Variants in GIMAP4 observed in about 807,000 individuals in gnomAD.
GIMAP4 encodes GTPase IMAP family member 4.
GIMAP4 carries 12 observed loss-of-function variants against 10.8 expected under a neutral mutation model. The ratio of observed to expected loss-of-function variants is 1.11; its 90% confidence interval spans 0.71 to 1.81. The LOEUF is 1.81. GIMAP4 is among the 40% of genes most tolerant of loss of function. The pLI is 0.00. For synonymous variants in GIMAP4, 149 were observed against 147.2 expected, an observed-to-expected ratio of 1.01 and a Z score of -0.09; for missense variants, 412 against 404.6, an observed-to-expected ratio of 1.02 and a Z score of -0.16.
chr7:150,573,208 T>C lies in GIMAP4; in HGVS notation c.*148T>C. ...CATTGGCCATTGGTAGATGTTTGATTGACTTAACAAGAGAGGGACAAATTT... is the reference window on the plus strand; with the variant it reads ...CATTGGCCATTGGTAGATGTTTGATCGACTTAACAAGAGAGGGACAAATTT... On this transcript the variant is annotated 3_prime_UTR_variant, in exon 3 of 3. Transcript: ENST00000255945. The C allele has an allele frequency of 1.7e-6, 1 of 594,464 alleles. No individual in the cohort carries two copies. The highest frequency in any genetic ancestry group is 3.0e-6 in the Non-Finnish European group (1 of 337,776). 36.8% of individuals were successfully genotyped at this position (594,464 alleles called of 1,614,324 possible).
At position 150,573,891 on chromosome 7, in the gene GIMAP4, C is replaced by T. The variant is rs1196354502; in HGVS notation, c.*831C>T. 2 of 152,206 alleles carry T rather than the reference C, an allele frequency of 1.3e-5. No homozygotes were observed. Among genetic ancestry groups the T allele is most frequent in the African/African-American group, 4.8e-5 (2 of 41,444 alleles). The allele number at this position is 152,206 out of a possible 1,614,324, so 9.4% of individuals were successfully genotyped here. On this transcript the variant is annotated 3_prime_UTR_variant, in exon 3 of 3. Coordinates refer to ENST00000255945, the MANE Select transcript of GIMAP4 (RefSeq NM_018326.3). ...TGTTTGGCAGGTCATCCACACACTT[C>T]TGCCCCCACTGCATTGAATTTTTTG...
intron 2 of GIMAP4, 117 bp downstream of exon 2, chr7:150,570,076 T>C: frequency 1.4e-6 from 1 of 706,666 alleles, no homozygotes; most frequent in Non-Finnish European, 2.5e-6. Context: ...AGTCCCCATT[T>C]GAGCAGGAGA....
In GIMAP4 at chr7:150,572,506, A is replaced by G. The variant is rs1464946342; in HGVS notation, c.436A>G (p.Arg146Gly). Residue 146 changes from arginine to glycine, a missense_variant, in exon 3 of 3, where the codon AGA becomes GGA. By Grantham distance (125) the Arg-to-Gly change is moderately radical. Transcript: ENST00000255945. ...KILKMFGERARSFMILIFTRK... is the reference protein window; with the variant it reads ...KILKMFGERAGSFMILIFTRK... ...CCTGAAAATGTTTGGAGAGAGGGCT[A>G]GAAGTTTCATGATTCTCATATTCAC... 1 of 1,614,212 alleles carries G rather than the reference A, an allele frequency of 6.2e-7. No individual in the cohort carries two copies. The highest frequency in any genetic ancestry group is 1.7e-5 in the Admixed American group (1 of 60,034).
In GIMAP4 at chr7:150,572,138, G is replaced by A. The variant is rs767453915; in HGVS notation, c.68G>A (p.Arg23Lys). 2 of 1,608,878 alleles carry A rather than the reference G, an allele frequency of 1.2e-6. No homozygotes were observed. Among genetic ancestry groups the A allele is most frequent in the Non-Finnish European group, 1.7e-6 (2 of 1,175,844 alleles). Reference sequence around the variant, plus strand: ...TTTCTTGATGTCCCAGGGCCTGGAAGGCAAGAGCCCAGAAATTCCCAATTG... The same window carrying A: ...TTTCTTGATGTCCCAGGGCCTGGAAAGCAAGAGCCCAGAAATTCCCAATTG... ...STPGASYGPGRQEPRNSQLRI... is the reference protein window; with the variant it reads ...STPGASYGPGKQEPRNSQLRI... The change falls in exon 3 of 3, where the codon AGG (arginine) becomes AAG (lysine). Residue 23 changes from arginine (R) to lysine (K), a missense_variant. By Grantham distance (26) the Arg-to-Lys change is conservative. Coordinates refer to ENST00000255945, the MANE Select transcript of GIMAP4 (RefSeq NM_018326.3).
rs745843102 is a variant in GIMAP4, at chr7:150,572,612, T to G, written c.542T>G (p.Ile181Ser). The change falls in exon 3 of 3, where the codon ATT (isoleucine) becomes AGT (serine). Residue 181 changes from isoleucine (I) to serine (S), a missense_variant. Coordinates refer to ENST00000255945, the MANE Select transcript of GIMAP4 (RefSeq NM_018326.3). ...GAAGACATTCAAGACTTGATGGACA[T>G]TTTCGGTGACCGCTACTGTGCGTTA... ...APEDIQDLMD[I>S]FGDRYCALNN... 1.2e-6 allele frequency: 2 copies of G among 1,614,166 alleles called. No individual in the cohort carries two copies. Among genetic ancestry groups the G allele is most frequent in the South Asian group, 2.2e-5 (2 of 91,076 alleles).
chr7:150,572,405 C>T lies in GIMAP4; in HGVS notation c.335C>T (p.Pro112Leu), dbSNP rs1382194702. The T allele has an allele frequency of 6.2e-7, 1 of 1,614,060 alleles. No homozygotes were observed. Among genetic ancestry groups the T allele is most frequent in the African/African-American group, 1.3e-5 (1 of 74,924 alleles). ...EIIRCILLTSPGPHALLLVVP... is the reference protein window; with the variant it reads ...EIIRCILLTSLGPHALLLVVP... ...ATTCGCTGCATTCTTCTGACCTCCC[C>T]AGGGCCTCATGCTCTGCTTCTGGTG... The change falls in exon 3 of 3, where the codon CCA becomes CTA. Residue 112 changes from proline (P) to leucine (L), a missense_variant. Transcript: ENST00000255945.
At chr7:150,569,783 A>T (rs1003649916) in intron 1 of GIMAP4, 105 bp from the exon 2 acceptor site, 2 of 658,574 alleles carry the variant, frequency 3.0e-6, no homozygotes, top group Non-Finnish European at 5.6e-6. Context: ...AAATCAATGT[A>T]GCAAGCTCAT....
chr7:150,568,197 C>G (rs1585155682), intron 1 of GIMAP4, among the ~76,000 whole-genome samples: 2 of 152,314 alleles, frequency 1.3e-5, no homozygotes, highest in South Asian at 2.1e-4. Context: ...GTCACAAAAA[C>G]CCAGAATGTC....
intron 1 of GIMAP4, among the ~76,000 whole-genome samples, chr7:150,568,886 T>C (rs1224964438): frequency 6.6e-6 from 1 of 151,936 alleles, no homozygotes; most frequent in Non-Finnish European, 1.5e-5. Flanking sequence ...TAGACAGTGG[T>C]GTTGGGGAAG....
intron 1 of GIMAP4, among the ~76,000 whole-genome samples, chr7:150,569,193 G>A (rs1271421135): frequency 6.6e-6 from 1 of 152,202 alleles, no homozygotes; most frequent in Non-Finnish European, 1.5e-5. Context: ...ACATCTGATT[G>A]TAGAGTAGAA....
rs1196435547 is a variant in GIMAP4 at position 150,570,051 on chromosome 7, C to T, written c.58+92C>T. 4 of 775,782 alleles carry T rather than the reference C, an allele frequency of 5.2e-6. No individual in the cohort carries two copies. In the South Asian group the frequency reaches 6.0e-5, roughly 12 times the overall value. The allele number at this position is 775,782 out of a possible 1,614,324, so 48.1% of individuals were successfully genotyped here. A position where few individuals can be genotyped will look rare whatever the true frequency, so the allele number is the denominator to read the frequency against. Reference sequence around the variant, plus strand: ...TGGGGGGGAATAGGGGTGGGGTTCTCCTGCCTTGCCACCCAGTCCCCATTT... The same window carrying T: ...TGGGGGGGAATAGGGGTGGGGTTCTTCTGCCTTGCCACCCAGTCCCCATTT... On this transcript the variant is annotated intron_variant, in intron 2 of 2. Coordinates refer to ENST00000255945, the MANE Select transcript of GIMAP4 (RefSeq NM_018326.3).
chr7:150,567,750 C>T (rs1795680090), intron 1 of GIMAP4, among the ~76,000 whole-genome samples: 1 of 152,140 alleles, frequency 6.6e-6, no homozygotes, highest in African/African-American at 2.4e-5. Flanking sequence ...ACAGAATTAG[C>T]TCTGGGGGAG....
rs148846486 is a variant in GIMAP4, at chr7:150,571,022, A to G, written c.58+1063A>G. Among the ~76,000 whole-genome samples, 5 of 152,172 alleles carry G rather than the reference A, an allele frequency of 3.3e-5. No homozygotes were observed. In the East Asian group the frequency reaches 7.7e-4, roughly 24 times the overall value. On this transcript the variant is annotated intron_variant, in intron 2 of 2. Coordinates refer to ENST00000255945, the MANE Select transcript of GIMAP4 (RefSeq NM_018326.3). ...GGAATAGATTGTGGCTACATTTACA[A>G]TCTCCTCCATGGATTGTCACCATAT...
In GIMAP4 at chr7:150,572,227, C is replaced by A; in HGVS notation, c.157C>A (p.Arg53=). ...TGCAACAGGAAACAGCATCCTTGGC[C>A]GGAAAGTGTTTCATTCTGGCACTGC... ...KSATGNSILG[R]KVFHSGTAAK... is the part of the protein sequence containing the mutation. The change falls in exon 3 of 3, where the codon CGG becomes AGG. Residue 53 remains arginine (R), a synonymous_variant. Transcript: ENST00000255945. The A allele has an allele frequency of 1.2e-6, 2 of 1,613,772 alleles. No individual in the cohort carries two copies. Among genetic ancestry groups the A allele is most frequent in the South Asian group, 1.1e-5 (1 of 91,078 alleles).
chr7:150,572,245 G>A lies in GIMAP4; in HGVS notation c.175G>A (p.Gly59Ser). 6.2e-7 allele frequency: 1 copy of A among 1,614,050 alleles called. No individual in the cohort carries two copies. The highest frequency in any genetic ancestry group is 1.1e-5 in the South Asian group (1 of 91,082). The change falls in exon 3 of 3, where the codon GGC becomes AGC. Residue 59 changes from glycine to serine, a missense_variant. Physicochemically the swap from Gly to Ser is moderately conservative, Grantham distance 56. Transcript: ENST00000255945. ...SILGRKVFHS[G>S]TAAKSITKKC... Reference sequence around the variant, plus strand: ...CCTTGGCCGGAAAGTGTTTCATTCTGGCACTGCAGCAAAATCCATTACCAA... The same window carrying A: ...CCTTGGCCGGAAAGTGTTTCATTCTAGCACTGCAGCAAAATCCATTACCAA...
Position 150,573,680 on chromosome 7 carries a change from A to T in GIMAP4, c.*620A>T, listed in dbSNP as rs1451126278. On this transcript the variant is annotated 3_prime_UTR_variant, in exon 3 of 3. Transcript: ENST00000255945. Reference sequence around the variant, plus strand: ...AATTCAATTAAATAATGATCCCCAAATGCTGAAAAAGTGAAATACAGCAAT... The same window carrying T: ...AATTCAATTAAATAATGATCCCCAATTGCTGAAAAAGTGAAATACAGCAAT... 1 of 152,212 alleles carries T rather than the reference A, an allele frequency of 6.6e-6. No homozygotes were observed. The highest frequency in any genetic ancestry group is 1.5e-5 in the Non-Finnish European group (1 of 68,042). The allele number at this position is 152,212 out of a possible 1,614,324, so 9.4% of individuals were successfully genotyped here. A position where few individuals can be genotyped will look rare whatever the true frequency, so the allele number is the denominator to read the frequency against.
At position 150,572,371 on chromosome 7, in the gene GIMAP4, A is replaced by G; in HGVS notation, c.301A>G (p.Lys101Glu). 1 of 1,614,088 alleles carries G rather than the reference A, an allele frequency of 6.2e-7. No individual in the cohort carries two copies. Among genetic ancestry groups the G allele is most frequent in the Non-Finnish European group, 8.5e-7 (1 of 1,179,974 alleles). ...AGAGGTGCCCAATGCTGAAACGTCC[A>G]AGGAGATTATTCGCTGCATTCTTCT... is the stretch of plus-strand genomic sequence containing the variant. ...DTEVPNAETS[K>E]EIIRCILLTS... The change falls in exon 3 of 3, where the codon AAG (lysine) becomes GAG (glutamate). Residue 101 changes from lysine to glutamate, a missense_variant. By Grantham distance (56) the Lys-to-Glu change is moderately conservative (BLOSUM62 1). Coordinates refer to ENST00000255945, the MANE Select transcript of GIMAP4 (RefSeq NM_018326.3).
At position 150,572,483 on chromosome 7, in the gene GIMAP4, T is replaced by G; in HGVS notation, c.413T>G (p.Leu138Arg). 6.2e-7 allele frequency: 1 copy of G among 1,614,172 alleles called. No individual in the cohort carries two copies. Among genetic ancestry groups the G allele is most frequent in the Non-Finnish European group, 8.5e-7 (1 of 1,179,988 alleles). ...EEEHKATEKILKMFGERARSF... is the reference protein window; with the variant it reads ...EEEHKATEKIRKMFGERARSF... ...GAGCACAAAGCCACAGAGAAGATCC[T>G]GAAAATGTTTGGAGAGAGGGCTAGA... The change falls in exon 3 of 3, where the codon CTG becomes CGG. Residue 138 changes from leucine to arginine, a missense_variant. Coordinates refer to ENST00000255945, the MANE Select transcript of GIMAP4 (RefSeq NM_018326.3).
chr7:150,569,954 G>C lies in GIMAP4; in HGVS notation c.53G>C (p.Ser18Thr). The part of the protein sequence containing the change: ...MSFNPSTPGA[S>T]YGPGRQEPRN... ...TTCAACCCCAGCACACCAGGGGCCA[G>C]TTATGGTGAGAGGGCATTCAGTGCT... The change falls in exon 2 of 3, where the codon AGT (serine) becomes ACT (threonine). Residue 18 changes from serine (S) to threonine (T), a missense_variant. Ser to Thr is a moderately conservative substitution (Grantham distance 58). Coordinates refer to ENST00000255945, the MANE Select transcript of GIMAP4 (RefSeq NM_018326.3). The C allele has an allele frequency of 3.6e-6, 5 of 1,405,916 alleles. No homozygotes were observed. Among genetic ancestry groups the C allele is most frequent in the Non-Finnish European group, 4.8e-6 (5 of 1,048,278 alleles). 87.1% of individuals were successfully genotyped at this position (1,405,916 alleles called of 1,614,324 possible).
Sources: allele counts gnomAD v4.1 joint callset (sites outside exome capture counted in the v4.1 genomes callset), GRCh38; gene constraint gnomAD v4.1.1; transcripts MANE v1.5; gene names NCBI Gene and HGNC (gene_info 2026-07-23, HGNC 2026-07-21).